KIAA1549L: variants seen among roughly 807,000 people sequenced by gnomAD.
KIAA1549L encodes KIAA1549 like, also known as UPF0606 protein KIAA1549L.
A neutral mutation model predicts 160.7 loss-of-function variants in KIAA1549L; 88 were observed. The ratio of observed to expected loss-of-function variants is 0.55; its 90% CI spans 0.46 to 0.65. KIAA1549L has a LOEUF of 0.65. Among genes scored for constraint, KIAA1549L ranks in the 30% least tolerant of loss-of-function variants. The probability of loss-of-function intolerance (pLI) is 0.00; values close to 1 mark genes in which losing one functional copy is unlikely to be tolerated. For synonymous variants in KIAA1549L, 950 were observed against 976.7 expected (o/e 0.97, Z 0.51); for missense variants, 2,258 against 2,437.5 (o/e 0.93, Z 1.55).
intron 16 of KIAA1549L, among the ~76,000 whole-genome samples, chr11:33,642,882 G>A (rs1851625345): frequency 6.6e-6 from 1 of 152,206 alleles, no homozygotes; most frequent in Non-Finnish European, 1.5e-5. Flanking sequence ...ATTTATTTCA[G>A]TTTAAGTTCA....
At chr11:33,560,650 A>C (rs1173468219) in intron 7 of KIAA1549L, among the ~76,000 whole-genome samples, 3 of 152,246 alleles carry the variant, frequency 2.0e-5, no homozygotes, top group Non-Finnish European at 4.4e-5. Context: ...TGGTAGCCAA[A>C]GGATGGAAAG....
At chr11:33,586,345 C>G (rs1460304626) in intron 11 of KIAA1549L, among the ~76,000 whole-genome samples, 2 of 152,138 alleles carry the variant, frequency 1.3e-5, no homozygotes, top group Non-Finnish European at 2.9e-5. Context: ...AGTATGGATA[C>G]CCTTACCCTT....
rs191040971 is a variant in KIAA1549L, at chr11:33,417,480, A to T, written c.238+40591A>T. On this transcript the variant is annotated intron_variant, in intron 1 of 20. Transcript: ENST00000658780. ...TTTCATGACTCACGAGTGGGTTATG[A>T]TCCCCAGCTTGAAGAATAATTGCCT... Among the ~76,000 whole-genome samples, 5 of 152,254 alleles carry T rather than the reference A, an allele frequency of 3.3e-5. No homozygotes were observed. The East Asian group carries it at 9.7e-4, about 29-fold the overall frequency.
chr11:33,642,182 C>T (rs965247040), intron 16 of KIAA1549L, among the ~76,000 whole-genome samples: 1 of 152,112 alleles, frequency 6.6e-6, no homozygotes, highest in Non-Finnish European at 1.5e-5. Flanking sequence ...TAGTTCAACT[C>T]TCCCATTTTA....
chr11:33,667,918 C>G lies in KIAA1549L; in HGVS notation c.6205C>G (p.Pro2069Ala). Reference sequence around the variant, plus strand: ...CGAGGCCTACCCCCGATCACGGTACCCCCAGAGCTCTCCCTCCAGGCTTCC... The same window carrying G: ...CGAGGCCTACCCCCGATCACGGTACGCCCAGAGCTCTCCCTCCAGGCTTCC... Reference protein sequence around the residue: ...YIEAYPRSRYPQSSPSRLPRQ... With the variant: ...YIEAYPRSRYAQSSPSRLPRQ... Residue 2069 changes from proline (P) to alanine (A), a missense_variant, in exon 21 of 21, where the codon CCC becomes GCC. By Grantham distance (27) the Pro-to-Ala change is conservative. Transcript: ENST00000658780. The G allele has an allele frequency of 6.2e-7, 1 of 1,613,660 alleles. No homozygotes were observed. The highest frequency in any genetic ancestry group is 8.5e-7 in the Non-Finnish European group (1 of 1,179,784).
intron 1 of KIAA1549L, among the ~76,000 whole-genome samples, chr11:33,408,461 G>GAGAT (rs1554974394): frequency 2.1e-5 from 3 of 145,968 alleles, no homozygotes; most frequent in African/African-American, 7.8e-5. Flanking sequence ...ATAAGTTAGA[G>GAGAT]ATATATATAT....
chr11:33,403,282 G>GAC (rs1274071468), intron 1 of KIAA1549L: 33,830 of 52,156 alleles, frequency 0.65, 9,255 homozygotes, highest in Middle Eastern at 0.69. Flanking sequence ...CACAGACACA[G>GAC]ACACACACAC....
intron 11 of KIAA1549L, among the ~76,000 whole-genome samples, chr11:33,584,596 A>G (rs1855751203): frequency 6.6e-6 from 1 of 152,224 alleles, no homozygotes; most frequent in African/African-American, 2.4e-5. Context: ...AATGCCTTAC[A>G]ATTTGCTGGG....
intron 1 of KIAA1549L, among the ~76,000 whole-genome samples, chr11:33,433,741 A>G (rs954862990): frequency 6.6e-6 from 1 of 152,230 alleles, no homozygotes; most frequent in Non-Finnish European, 1.5e-5. Context: ...CATATACACC[A>G]TGGAATACTA....
At chr11:33,517,015 G>T (rs534515677) in intron 1 of KIAA1549L, among the ~76,000 whole-genome samples, 1 of 152,094 alleles carries the variant, frequency 6.6e-6, no homozygotes, top group Non-Finnish European at 1.5e-5. Flanking sequence ...TTCAATTCAC[G>T]TTTCTCATTT....
chr11:33,497,283 A>G (rs888167032), intron 1 of KIAA1549L, among the ~76,000 whole-genome samples: 1 of 152,240 alleles, frequency 6.6e-6, no homozygotes, highest in African/African-American at 2.4e-5. Flanking sequence ...GGGGATAATA[A>G]TAGGCCTCAG....
At chr11:33,553,720 A>G (rs1258369550) in intron 6 of KIAA1549L, among the ~76,000 whole-genome samples, 3 of 152,162 alleles carry the variant, frequency 2.0e-5, no homozygotes, top group Non-Finnish European at 4.4e-5. Flanking sequence ...CAGGTGCATG[A>G]GCCTAGTTAG....
intron 1 of KIAA1549L, among the ~76,000 whole-genome samples, chr11:33,440,257 GT>G (rs1235671822): frequency 6.9e-6 from 1 of 145,490 alleles, no homozygotes; most frequent in Non-Finnish European, 1.5e-5. Context: ...AGCCTCCCAA[GT>G]AGCTGGGACT....
Position 33,614,555 on chromosome 11 carries a change from TA to T in KIAA1549L, c.5280-3977del, listed in dbSNP as rs1850741685. Among the ~76,000 whole-genome samples the T allele has an allele frequency of 6.4e-4, 9 of 14,014 alleles. 1 individual carries two copies. Among genetic ancestry groups the T allele is most frequent in the Non-Finnish European group, 1.2e-3 (9 of 7,386 alleles). 9.2% of individuals were successfully genotyped at this position (14,014 alleles called of 152,430 possible). ...AGATATATATATATATATATATATA[TA>T]TATATATATATATATATATATATAT... On this transcript the variant is annotated intron_variant, in intron 15 of 20. Coordinates refer to ENST00000658780, the MANE Select transcript of KIAA1549L (RefSeq NM_012194.3).
chr11:33,407,941 C>T (rs2134081157), intron 1 of KIAA1549L, among the ~76,000 whole-genome samples: 1 of 152,248 alleles, frequency 6.6e-6, no homozygotes, highest in South Asian at 2.1e-4. Context: ...AGTCAACTTC[C>T]TACTGGGAAT....
chr11:33,644,491 A>G (rs1851665165), intron 16 of KIAA1549L, among the ~76,000 whole-genome samples: 2 of 152,254 alleles, frequency 1.3e-5, no homozygotes, highest in South Asian at 4.1e-4. Context: ...GTGTGGTTGA[A>G]TGAATAAAGT....
chr11:33,410,411 G>A (rs536061732), intron 1 of KIAA1549L, among the ~76,000 whole-genome samples: 1 of 152,270 alleles, frequency 6.6e-6, no homozygotes, highest in East Asian at 1.9e-4. Flanking sequence ...TCTAGGCAGC[G>A]CCTAGAAAAC....
intron 1 of KIAA1549L, among the ~76,000 whole-genome samples, chr11:33,388,225 G>C (rs925587874): frequency 1.3e-5 from 2 of 152,158 alleles, no homozygotes; most frequent in Admixed American, 6.5e-5. Flanking sequence ...TACAATCATG[G>C]CAGAAGGGGA....
chr11:33,584,420 G>A (rs1855744747), intron 11 of KIAA1549L, among the ~76,000 whole-genome samples: 1 of 152,118 alleles, frequency 6.6e-6, no homozygotes, highest in South Asian at 2.1e-4. Context: ...GCCTGTCCTG[G>A]GGCCCCATCC....
Sources: gnomAD v4.1 joint callset for allele counts (sites outside exome capture counted in the v4.1 genomes callset) on GRCh38, gnomAD v4.1.1 for gene constraint, MANE v1.5 for transcripts, NCBI Gene and HGNC (gene_info 2026-07-23, HGNC 2026-07-21) for gene names.